Variants in BST1 observed in about 807,000 individuals in gnomAD.
BST1 encodes bone marrow stromal cell antigen 1, also known as ADP-ribosyl cyclase/cyclic ADP-ribose hydrolase 2.
Under a neutral mutation model 40.6 loss-of-function variants are expected in BST1, and 49 were observed. The observed-to-expected ratio is 1.21, with a 90% CI of 0.96 to 1.53. The LOEUF (loss-of-function observed/expected upper bound fraction) is 1.53. Ranked by LOEUF, BST1 falls within the 40% of genes most tolerant of loss-of-function variation. The pLI is 0.00. For missense variants in BST1, 423 were observed against 395.9 expected (o/e 1.07, Z -0.58); for synonymous variants, 157 against 159.3 (o/e 0.99, Z 0.11).
chr4:15,716,810 T>A (rs73224664), intron 6 of BST1, among the ~76,000 whole-genome samples: 27 of 152,290 alleles, frequency 1.8e-4, no homozygotes, highest in Middle Eastern at 6.8e-3. Flanking sequence ...TGTATCTATC[T>A]TGTTGCCCAG....
At chr4:15,754,541 A>G in the BST1 span, among the ~76,000 whole-genome samples, 2 of 152,288 alleles carry the variant, frequency 1.3e-5, no homozygotes, top group South Asian at 4.1e-4. Flanking sequence ...TGCTGTCAGC[A>G]CTGTGTGGTT....
intron 7 of BST1, among the ~76,000 whole-genome samples, chr4:15,722,262 C>A (rs116405592): frequency 6.6e-6 from 1 of 152,332 alleles, no homozygotes; most frequent in South Asian, 2.1e-4. Flanking sequence ...ACTGTGAGAA[C>A]TTGGGTGGGT....
At chr4:15,717,076 G>C (rs1332099669) in intron 6 of BST1, among the ~76,000 whole-genome samples, 1 of 152,038 alleles carries the variant, frequency 6.6e-6, no homozygotes, top group Non-Finnish European at 1.5e-5. Flanking sequence ...CACCATGCCC[G>C]TCCTTTATAG....
rs759004478 is a variant in BST1, at chr4:15,705,520, A to G, written c.194A>G (p.Lys65Arg). The change falls in exon 2 of 9, where the codon AAG becomes AGG. Residue 65 changes from lysine (K) to arginine (R), a missense_variant. Coordinates refer to ENST00000265016, the MANE Select transcript of BST1 (RefSeq NM_004334.3). Reference protein sequence around the residue: ...RALLSPEQRNKNCTAIWEAFK... With the variant: ...RALLSPEQRNRNCTAIWEAFK... Reference sequence around the variant, plus strand: ...CAACTTGTACTTTTGCACAGGAACAAGAACTGCACAGCCATCTGGGAAGCC... The same window carrying G: ...CAACTTGTACTTTTGCACAGGAACAGGAACTGCACAGCCATCTGGGAAGCC... The G allele has an allele frequency of 2.5e-6, 4 of 1,579,054 alleles. No homozygotes were observed. The East Asian group carries it at 9.0e-5, about 35-fold the overall frequency.
At chr4:15,703,631 G>GT (rs1553862805) in intron 1 of BST1, among the ~76,000 whole-genome samples, 22 of 71,068 alleles carry the variant, frequency 3.1e-4, no homozygotes, top group East Asian at 2.1e-3. Context: ...AGAGGTGAGG[G>GT]GGGTGTGTGT....
intron 6 of BST1, 110 bp downstream of exon 6, chr4:15,715,909 T>C (rs2148885681): frequency 1.3e-6 from 1 of 765,072 alleles, no homozygotes. Flanking sequence ...ACAGCCTTCT[T>C]TGCTTCTAAT....
At chr4:15,757,520 G>A in the BST1 span, among the ~76,000 whole-genome samples, 2 of 151,328 alleles carry the variant, frequency 1.3e-5, no homozygotes, top group African/African-American at 4.9e-5. Context: ...CCCGCAGACT[G>A]TTCTGAACAG....
At chr4:15,735,355 G>A (rs1170019534), downstream of BST1, among the ~76,000 whole-genome samples, 1 of 152,122 alleles carries the variant, frequency 6.6e-6, no homozygotes, top group Non-Finnish European at 1.5e-5. Context: ...CCCTAGCCTA[G>A]CCCTGCTTGG....
intron 8 of BST1, chr4:15,731,033 G>T: frequency 5.1e-6 from 3 of 584,334 alleles, no homozygotes; most frequent in Non-Finnish European, 8.7e-6. Flanking sequence ...CAGTTTTTCT[G>T]CCAGTTTTTC....
chr4:15,728,424 T>C (rs1721219155), intron 8 of BST1, among the ~76,000 whole-genome samples: 1 of 151,772 alleles, frequency 6.6e-6, no homozygotes, highest in Non-Finnish European at 1.5e-5. Context: ...GTATATGGGT[T>C]ACTATTAAGT....
chr4:15,704,235 T>C (rs376072963), intron 1 of BST1, among the ~76,000 whole-genome samples: 11 of 129,998 alleles, frequency 8.5e-5, no homozygotes, highest in Middle Eastern at 5.7e-3. Flanking sequence ...CTGAGGAGAG[T>C]GTGTGTTCTA....
At chr4:15,703,989 GAT>G (rs146444244) in intron 1 of BST1, among the ~76,000 whole-genome samples, 1,602 of 142,938 alleles carry the variant, frequency 0.011, 34 homozygotes, top group African/African-American at 0.036. Flanking sequence ...CTGGAGGTGA[GAT>G]GTGTGTGTGT....
In BST1 at chr4:15,731,922, C is replaced by G; in HGVS notation, c.*77C>G. The G allele has an allele frequency of 6.7e-7, 1 of 1,484,004 alleles. No homozygotes were observed. Among genetic ancestry groups the G allele is most frequent in the Non-Finnish European group, 9.0e-7 (1 of 1,113,198 alleles). The allele number at this position is 1,484,004 out of a possible 1,614,324, so 91.9% of individuals were successfully genotyped here. Reference sequence around the variant, plus strand: ...AGTCATCATTCGTGTTCTGTGTATACCAAATGATTCTGTTATCTAAAGAAG... The same window carrying G: ...AGTCATCATTCGTGTTCTGTGTATAGCAAATGATTCTGTTATCTAAAGAAG... On this transcript the variant is annotated 3_prime_UTR_variant, in exon 9 of 9. Transcript: ENST00000265016.
chr4:15,771,786 G>T, the BST1 span, among the ~76,000 whole-genome samples: 1 of 152,314 alleles, frequency 6.6e-6, no homozygotes, highest in East Asian at 1.9e-4. Flanking sequence ...TAAAAAATAT[G>T]CTGCCACAAG....
the BST1 span, among the ~76,000 whole-genome samples, chr4:15,765,236 C>G: frequency 6.6e-6 from 1 of 152,052 alleles, no homozygotes; most frequent in African/African-American, 2.4e-5. Flanking sequence ...CTCCATCCTT[C>G]CAGTTGCTCA....
the BST1 span, among the ~76,000 whole-genome samples, chr4:15,745,141 C>T: frequency 0.033 from 5,040 of 152,182 alleles, 281 homozygotes; most frequent in African/African-American, 0.12. Context: ...AGCATAAATT[C>T]TGATACCTAA....
chr4:15,744,542 G>C, the BST1 span, among the ~76,000 whole-genome samples: 1 of 152,168 alleles, frequency 6.6e-6, no homozygotes, highest in South Asian at 2.1e-4. Context: ...ATGGGATTAT[G>C]GGGATTACAA....
Position 15,707,622 on chromosome 4 carries a change from T to A in BST1, c.427T>A (p.Trp143Arg). 6.2e-7 allele frequency: 1 copy of A among 1,614,084 alleles called. No homozygotes were observed. The highest frequency in any genetic ancestry group is 8.5e-7 in the Non-Finnish European group (1 of 1,179,992). The change falls in exon 3 of 9, where the codon TGG (tryptophan) becomes AGG (arginine). Residue 143 changes from tryptophan (W) to arginine (R), a missense_variant. Coordinates refer to ENST00000265016, the MANE Select transcript of BST1 (RefSeq NM_004334.3). ...LYGRVADFLS[W>R]CRQKNDSGLD... is the part of the protein sequence containing the mutation. ...TGGCAGGGTTGCAGATTTCTTGAGC[T>A]GGTGTCGACAGAAAAATGACTCTGG...
At chr4:15,717,810 C>T (rs1004447329) in intron 6 of BST1, among the ~76,000 whole-genome samples, 1 of 152,178 alleles carries the variant, frequency 6.6e-6, no homozygotes, top group African/African-American at 2.4e-5. Context: ...AAGAGACTAG[C>T]TGACTGCATG....
Sources: gnomAD v4.1 joint callset for allele counts (sites outside exome capture counted in the v4.1 genomes callset) on GRCh38, gnomAD v4.1.1 for gene constraint, MANE v1.5 for transcripts, NCBI Gene and HGNC (gene_info 2026-07-23, HGNC 2026-07-21) for gene names.